Variants in DYM observed in about 807,000 individuals in gnomAD.
DYM encodes the protein dymeclin.
DYM carries 78 observed loss-of-function variants against 93.1 expected under a neutral mutation model. The observed-to-expected ratio is 0.84, with a 90% CI of 0.70 to 1.01. The LOEUF is 1.01. Ranked by LOEUF, DYM falls within the 50% of genes least tolerant of loss-of-function variation. The pLI is 0.00. For missense variants in DYM, 789 were observed against 845.0 expected, an observed-to-expected ratio of 0.93 and a Z score of 0.82; for synonymous variants, 321 against 319.7, an observed-to-expected ratio of 1.00 and a Z score of -0.04.
intron 14 of DYM, among the ~76,000 whole-genome samples, chr18:49,170,775 C>G (rs1187331986): frequency 9.4e-6 from 1 of 105,916 alleles, no homozygotes; most frequent in South Asian, 3.3e-4. Flanking sequence ...AGTGAGACTC[C>G]GTCTCAAAAA....
intron 8 of DYM, chr18:49,321,162 T>C: frequency 2.6e-6 from 1 of 383,924 alleles, no homozygotes. Flanking sequence ...TTCTCACTTT[T>C]AAATATTTTT....
At chr18:49,452,081 A>G (rs902227731) in intron 1 of DYM, among the ~76,000 whole-genome samples, 1 of 152,218 alleles carries the variant, frequency 6.6e-6, no homozygotes, top group Admixed American at 6.5e-5. Context: ...TCTTGGTCTC[A>G]TTGACTTCAA....
At chr18:49,056,196 C>T (rs960323855) in intron 17 of DYM, among the ~76,000 whole-genome samples, 2 of 152,208 alleles carry the variant, frequency 1.3e-5, no homozygotes, top group African/African-American at 4.8e-5. Context: ...TCAAGAGCCA[C>T]CAAATGGGCT....
chr18:49,337,972 G>A (rs1252766541), intron 6 of DYM, among the ~76,000 whole-genome samples: 1 of 152,122 alleles, frequency 6.6e-6, no homozygotes, highest in African/African-American at 2.4e-5. Context: ...GAAGGTGGGG[G>A]AAAGGGGTGG....
At chr18:49,246,441 C>T (rs973877313) in intron 13 of DYM, among the ~76,000 whole-genome samples, 9 of 152,126 alleles carry the variant, frequency 5.9e-5, no homozygotes, top group Admixed American at 1.3e-4. Flanking sequence ...TCTTATCTGG[C>T]CTTAGCATTT....
At chr18:49,072,109 G>C (rs1024907804) in intron 17 of DYM, among the ~76,000 whole-genome samples, 3 of 152,166 alleles carry the variant, frequency 2.0e-5, no homozygotes, top group African/African-American at 7.2e-5. Flanking sequence ...ATTTAGCCTA[G>C]TTCCATTCCT....
chr18:49,442,292 C>T (rs148330036), intron 1 of DYM, among the ~76,000 whole-genome samples: 136 of 152,260 alleles, frequency 8.9e-4, no homozygotes, highest in African/African-American at 3.1e-3. Context: ...CTCCTAGAAT[C>T]CCAGCGCTTT....
intron 6 of DYM, among the ~76,000 whole-genome samples, chr18:49,350,700 C>T (rs201069350): frequency 1.4e-5 from 2 of 139,562 alleles, no homozygotes; most frequent in East Asian, 2.0e-4. Context: ...GGTGAGACTC[C>T]ATCTCAAGAA....
chr18:49,114,618 G>C, intron 16 of DYM: 1 of 977,866 alleles, frequency 1.0e-6, no homozygotes, highest in Non-Finnish European at 1.2e-6. Context: ...TGTGTGTCCT[G>C]ATTAAAAAAA....
intron 17 of DYM, among the ~76,000 whole-genome samples, chr18:49,046,476 CACACAG>C (rs1202596205): frequency 2.0e-5 from 3 of 150,662 alleles, no homozygotes; most frequent in African/African-American, 7.4e-5. Context: ...CACCCACACA[CACACAG>C]ACACACACAC....
intron 17 of DYM, among the ~76,000 whole-genome samples, chr18:49,053,761 A>G (rs1599382458): frequency 6.6e-6 from 1 of 152,320 alleles, no homozygotes; most frequent in East Asian, 1.9e-4. Flanking sequence ...CCTCCTCCAT[A>G]TCCTATTGCT....
At chr18:49,101,192 GAC>G (rs1252866757) in intron 16 of DYM, among the ~76,000 whole-genome samples, 8 of 152,162 alleles carry the variant, frequency 5.3e-5, no homozygotes, top group Admixed American at 4.6e-4. Context: ...CTCTGCATGA[GAC>G]ACAGCCAATA....
intron 8 of DYM, among the ~76,000 whole-genome samples, chr18:49,303,860 T>C (rs1332538931): frequency 2.0e-5 from 3 of 152,134 alleles, no homozygotes; most frequent in Non-Finnish European, 2.9e-5. Context: ...TTCATATACA[T>C]GGGGGGAAAA....
chr18:49,361,426 T>C (rs1486436228), intron 6 of DYM, among the ~76,000 whole-genome samples: 1 of 152,270 alleles, frequency 6.6e-6, no homozygotes, highest in Non-Finnish European at 1.5e-5. Flanking sequence ...TTTCCAATTA[T>C]ATCTCCATGT....
chr18:49,117,527 A>G (rs988116053), intron 16 of DYM, among the ~76,000 whole-genome samples: 1 of 152,004 alleles, frequency 6.6e-6, no homozygotes, highest in Non-Finnish European at 1.5e-5. Context: ...TAGTTTTTCT[A>G]TTGAGTTATT....
chr18:49,301,228 G>C (rs976199350), intron 8 of DYM, among the ~76,000 whole-genome samples: 1 of 152,094 alleles, frequency 6.6e-6, no homozygotes, highest in African/African-American at 2.4e-5. Context: ...AAAGAATTAA[G>C]AAGGTTCCTG....
intron 3 of DYM, 63 bp from the exon 4 acceptor site, chr18:49,379,821 C>T: frequency 7.5e-7 from 1 of 1,325,710 alleles, no homozygotes; most frequent in Non-Finnish European, 1.1e-6. Flanking sequence ...GTGAGCTTAT[C>T]ATAACATTTA....
At chr18:49,219,713 A>C (rs2093261073) in intron 13 of DYM, among the ~76,000 whole-genome samples, 1 of 152,140 alleles carries the variant, frequency 6.6e-6, no homozygotes, top group Non-Finnish European at 1.5e-5. Flanking sequence ...ACAACACTTC[A>C]TGCTAAAAAC....
intron 15 of DYM, among the ~76,000 whole-genome samples, chr18:49,121,316 A>G (rs1245689333): frequency 6.6e-6 from 1 of 152,218 alleles, no homozygotes; most frequent in African/African-American, 2.4e-5. Context: ...GCAAACTTGA[A>G]GGCAGGTTAA....
Sources: gnomAD v4.1 joint callset for allele counts (sites outside exome capture counted in the v4.1 genomes callset) on GRCh38, gnomAD v4.1.1 for gene constraint, MANE v1.5 for transcripts, NCBI Gene and HGNC (gene_info 2026-07-23, HGNC 2026-07-21) for gene names.